TRAM1: variants seen among roughly 807,000 people sequenced by gnomAD.
TRAM1 encodes the protein translocation associated membrane protein 1, also known as translocating chain-associated membrane protein 1.
Under a neutral mutation model 48.7 loss-of-function variants are expected in TRAM1, and 17 were observed. The ratio of observed to expected loss-of-function variants is 0.35; its 90% CI spans 0.24 to 0.52. The LOEUF is 0.52. Among genes scored for constraint, TRAM1 ranks in the 20% least tolerant of loss-of-function variants. The pLI, the probability that TRAM1 is intolerant of heterozygous loss-of-function variation, is 0.94. For missense variants in TRAM1, 351 were observed against 441.5 expected, an observed-to-expected ratio of 0.79 and a Z score of 1.84; for synonymous variants, 182 against 154.0, an observed-to-expected ratio of 1.18 and a Z score of -1.34.
chr8:70,583,504 T>TA (rs1358133319), intron 9 of TRAM1, 146 bp downstream of exon 9: 1 of 1,314,254 alleles, frequency 7.6e-7, no homozygotes, highest in African/African-American at 1.5e-5. Context: ...TTTAGACATG[T>TA]AAAATAGCAA....
chr8:70,605,928 A>G, intron 1 of TRAM1, among the ~76,000 whole-genome samples: 1 of 152,248 alleles, frequency 6.6e-6, no homozygotes, highest in African/African-American at 2.4e-5. Context: ...AAGAGAATGT[A>G]AAATAGTTTA....
chr8:70,600,421 T>C (rs1343640916), intron 1 of TRAM1, among the ~76,000 whole-genome samples: 1 of 152,198 alleles, frequency 6.6e-6, no homozygotes, highest in East Asian at 1.9e-4. Context: ...TTAAGACAAA[T>C]TTCAAGTGTA....
chr8:70,598,348 T>C, intron 2 of TRAM1, 93 bp from the exon 3 acceptor site: 1 of 1,290,974 alleles, frequency 7.7e-7, no homozygotes, highest in Non-Finnish European at 1.0e-6. Flanking sequence ...CAAAGAAGAA[T>C]AACCTAATAA....
chr8:70,597,874 A>G (rs200401405), intron 4 of TRAM1, 21 bp downstream of exon 4: 1 of 1,521,994 alleles, frequency 6.6e-7, no homozygotes, highest in African/African-American at 1.4e-5. Context: ...GGAGAACAAC[A>G]ACCTAAGAGG....
intron 6 of TRAM1, among the ~76,000 whole-genome samples, chr8:70,593,583 CATATATGAG>C (rs1817415043): frequency 7.2e-6 from 1 of 138,692 alleles, no homozygotes; most frequent in Non-Finnish European, 1.5e-5. Flanking sequence ...CATAGGATTT[CATATATGAG>C]AATTAAAAAA....
intron 10 of TRAM1, among the ~76,000 whole-genome samples, chr8:70,580,770 GAATA>G (rs1817058467): frequency 6.6e-6 from 1 of 151,044 alleles, no homozygotes. Flanking sequence ...AAACCTATTT[GAATA>G]AATAAATTCA....
In TRAM1 at chr8:70,586,149, C is replaced by A. The variant is rs575208596; in HGVS notation, c.746+746G>T. ...GGACATGGATGAAACTGGAAACCAT[C>A]ATTCTCAGCAAACTATCGCAAAGAC... On this transcript the variant is annotated intron_variant, in intron 8 of 10. Coordinates refer to ENST00000262213, the MANE Select transcript of TRAM1 (RefSeq NM_014294.6). Among the ~76,000 whole-genome samples, 3 of 151,672 alleles carry A rather than the reference C, an allele frequency of 2.0e-5. No homozygotes were observed. In the South Asian group the frequency reaches 6.3e-4, roughly 32 times the overall value.
chr8:70,607,178 G>A, intron 1 of TRAM1: 1 of 985,336 alleles, frequency 1.0e-6, no homozygotes, highest in Non-Finnish European at 1.2e-6. Flanking sequence ...AACGTAGGAT[G>A]TTACTCGTTC....
chr8:70,574,167 C>T lies in TRAM1; in HGVS notation c.*765G>A, dbSNP rs1816889173. 1 of 380,546 alleles carries T rather than the reference C, an allele frequency of 2.6e-6. No individual in the cohort carries two copies. Among genetic ancestry groups the T allele is most frequent in the African/African-American group, 2.2e-5 (1 of 44,980 alleles). The allele number at this position is 380,546 out of a possible 1,614,324, so 23.6% of individuals were successfully genotyped here. A position where few individuals can be genotyped will look rare whatever the true frequency, so the allele number is the denominator to read the frequency against. On this transcript the variant is annotated 3_prime_UTR_variant, in exon 11 of 11. Coordinates refer to ENST00000262213, the MANE Select transcript of TRAM1 (RefSeq NM_014294.6). Reference sequence around the variant, plus strand: ...CCCATTAAGAATCATTATTAATAAACATATCAAAAAGGGCTATATGTCAGA... The same window carrying T: ...CCCATTAAGAATCATTATTAATAAATATATCAAAAAGGGCTATATGTCAGA...
intron 6 of TRAM1, among the ~76,000 whole-genome samples, chr8:70,589,714 T>C (rs927332625): frequency 5.9e-5 from 9 of 152,110 alleles, no homozygotes; most frequent in African/African-American, 1.9e-4. Context: ...GGTGCATGCC[T>C]GTACTTCCAG....
chr8:70,595,341 A>G (rs1399633025), intron 5 of TRAM1, among the ~76,000 whole-genome samples: 2 of 152,044 alleles, frequency 1.3e-5, no homozygotes, highest in Non-Finnish European at 2.9e-5. Context: ...TCCCACATAA[A>G]TATAATATTT....
intron 6 of TRAM1, among the ~76,000 whole-genome samples, chr8:70,590,618 C>T (rs1008147257): frequency 1.3e-5 from 2 of 152,242 alleles, no homozygotes; most frequent in Non-Finnish European, 2.9e-5. Context: ...GCTATCTCAG[C>T]CTCCTGAGTA....
Position 70,600,651 on chromosome 8 carries a change from G to T in TRAM1, c.124-569C>A, listed in dbSNP as rs143517005. Among the ~76,000 whole-genome samples the T allele has an allele frequency of 2.1e-3, 313 of 152,274 alleles. 2 individuals carry two copies. The highest frequency in any genetic ancestry group is 7.3e-3 in the African/African-American group (305 of 41,538). On this transcript the variant is annotated intron_variant, in intron 1 of 10. Transcript: ENST00000262213. ...CCAGGCAAAGTGCTAGACAAAAAAG[G>T]ACGAGATGAAGATGGATAAAATAAT... is the stretch of plus-strand genomic sequence containing the variant.
In TRAM1 at chr8:70,590,414, T is replaced by C. The variant is rs565307894; in HGVS notation, c.571-3238A>G. 5.2e-5 allele frequency among the ~76,000 whole-genome samples: 8 copies of C among 152,386 alleles called. No homozygotes were observed. In the South Asian group the frequency reaches 1.7e-3, roughly 32 times the overall value. On this transcript the variant is annotated intron_variant, in intron 6 of 10. Transcript: ENST00000262213. ...CCAATTAGGTGGAGCGCAGTTGTGC[T>C]TGACATTAGCTAAGGAAAAATCCAT... is the stretch of plus-strand genomic sequence containing the variant.
At chr8:70,590,567 T>G (rs1016251478) in intron 6 of TRAM1, among the ~76,000 whole-genome samples, 2 of 152,250 alleles carry the variant, frequency 1.3e-5, no homozygotes, top group African/African-American at 4.8e-5. Flanking sequence ...GGTGCAATTA[T>G]GCTGCACTGT....
At chr8:70,582,151 A>G (rs946582796) in intron 10 of TRAM1, among the ~76,000 whole-genome samples, 13 of 152,208 alleles carry the variant, frequency 8.5e-5, no homozygotes, top group African/African-American at 3.1e-4. Flanking sequence ...GGAGAAATTA[A>G]AGACAACCTA....
intron 10 of TRAM1, among the ~76,000 whole-genome samples, chr8:70,581,356 G>A (rs1817069639): frequency 6.6e-6 from 1 of 152,168 alleles, no homozygotes; most frequent in Non-Finnish European, 1.5e-5. Context: ...GTGTGGTTCT[G>A]GCATAAGAAT....
intron 6 of TRAM1, among the ~76,000 whole-genome samples, chr8:70,589,125 C>T (rs1817292960): frequency 6.6e-6 from 1 of 152,120 alleles, no homozygotes; most frequent in African/African-American, 2.4e-5. Flanking sequence ...GCGCAAAGAT[C>T]AAGTTTTAGG....
chr8:70,597,223 A>G (rs560157927), intron 4 of TRAM1, among the ~76,000 whole-genome samples: 1 of 152,354 alleles, frequency 6.6e-6, no homozygotes, highest in Non-Finnish European at 1.5e-5. Flanking sequence ...TGATACAACT[A>G]AAGGTTTTGA....
Sources: allele counts gnomAD v4.1 joint callset (sites outside exome capture counted in the v4.1 genomes callset), GRCh38; gene constraint gnomAD v4.1.1; transcripts MANE v1.5; gene names NCBI Gene and HGNC (gene_info 2026-07-23, HGNC 2026-07-21).